POLR3C: variants seen among roughly 807,000 people sequenced by gnomAD.
POLR3C encodes the protein RNA polymerase III subunit C.
Under a neutral mutation model 65.9 loss-of-function variants are expected in POLR3C, and 44 were observed. That is an observed-to-expected ratio of 0.67 (90% CI 0.52 to 0.86). The LOEUF (loss-of-function observed/expected upper bound fraction) is 0.86. POLR3C is among the 40% of genes least tolerant of loss of function. The pLI is 0.00. For synonymous variants in POLR3C, 263 were observed against 231.6 expected (o/e 1.14, Z -1.23); for missense variants, 576 against 653.2 (o/e 0.88, Z 1.29).
rs757108627 is a variant in POLR3C, at chr1:145,843,685, CAG to C, written c.*1270_*1271del. On this transcript the variant is annotated 3_prime_UTR_variant, in exon 15 of 15. Coordinates refer to ENST00000334163, the MANE Select transcript of POLR3C (RefSeq NM_006468.8). The stretch of plus-strand genomic sequence containing the variant: ...ACAGTAGAAGAGTAAACACTATGTA[CAG>C]AGAGGCCAGAAAGGGAAAAGGGTCA... Among the ~76,000 whole-genome samples the C allele has an allele frequency of 1.3e-5, 2 of 152,066 alleles. No homozygotes were observed. The highest frequency in any genetic ancestry group is 6.6e-5 in the Admixed American group (1 of 15,264).
intron 2 of POLR3C, 64 bp from the exon 3 acceptor site, chr1:145,826,390 G>T: frequency 6.7e-7 from 1 of 1,488,224 alleles, no homozygotes; most frequent in South Asian, 1.2e-5. Flanking sequence ...ACAAAAAATT[G>T]CCAGCAGTAA....
In POLR3C at chr1:145,842,822, G is replaced by GATAGATAGATAGATAAT. The variant is rs1652397184; in HGVS notation, c.*402_*403insATAGATAGATAGATAAT. On this transcript the variant is annotated 3_prime_UTR_variant, in exon 15 of 15. Coordinates refer to ENST00000334163, the MANE Select transcript of POLR3C (RefSeq NM_006468.8). ...AGATAGATAGATAGATAGATAATTT[G>GATAGATAGATAGATAAT]TTGTTGTTGAGACAGGATCTCACTC... 6.6e-6 allele frequency among the ~76,000 whole-genome samples: 1 copy of GATAGATAGATAGATAAT among 151,972 alleles called. No individual in the cohort carries two copies. The highest frequency in any genetic ancestry group is 1.5e-5 in the Non-Finnish European group (1 of 67,960).
At position 145,842,820 on chromosome 1, in the gene POLR3C, T is replaced by C. The variant is rs916977681; in HGVS notation, c.*400T>C. ...ATAGATAGATAGATAGATAGATAATTTGTTGTTGTTGAGACAGGATCTCAC... is the reference window on the plus strand; with the variant it reads ...ATAGATAGATAGATAGATAGATAATCTGTTGTTGTTGAGACAGGATCTCAC... On this transcript the variant is annotated 3_prime_UTR_variant, in exon 15 of 15. Coordinates refer to ENST00000334163, the MANE Select transcript of POLR3C (RefSeq NM_006468.8). Among the ~76,000 whole-genome samples the C allele has an allele frequency of 2.3e-4, 35 of 152,220 alleles. No homozygotes were observed. The highest frequency in any genetic ancestry group is 8.2e-4 in the African/African-American group (34 of 41,526).
In POLR3C at chr1:145,842,658, C is replaced by A. The variant is rs1553730909; in HGVS notation, c.*238C>A. Among the ~76,000 whole-genome samples, 1 of 152,184 alleles carries A rather than the reference C, an allele frequency of 6.6e-6. No homozygotes were observed. The highest frequency in any genetic ancestry group is 6.5e-5 in the Admixed American group (1 of 15,276). ...ACCTTAAATCAACAAGGTTAATCATCTATCAGATGCATCTGTTCCCATAAA... is the reference window on the plus strand; with the variant it reads ...ACCTTAAATCAACAAGGTTAATCATATATCAGATGCATCTGTTCCCATAAA... On this transcript the variant is annotated 3_prime_UTR_variant, in exon 15 of 15. Coordinates refer to ENST00000334163, the MANE Select transcript of POLR3C (RefSeq NM_006468.8).
chr1:145,837,506 T>G, intron 9 of POLR3C, 30 bp from the exon 10 acceptor site: 1 of 1,321,396 alleles, frequency 7.6e-7, no homozygotes, highest in Non-Finnish European at 1.1e-6. Flanking sequence ...GCCAAAACAT[T>G]ACTGAGTGAC....
rs1650498389 is a variant in POLR3C, at chr1:145,824,235, T to C, written c.-155T>C. On this transcript the variant is annotated 5_prime_UTR_variant, in exon 1 of 15. Coordinates refer to ENST00000334163, the MANE Select transcript of POLR3C (RefSeq NM_006468.8). ...GCGCTTTTTGCTTTTCCGCGTCTTC[T>C]TCGGTGGCGATCCGCGTCCTAGAAA... 3 of 274,050 alleles carry C rather than the reference T, an allele frequency of 1.1e-5. No individual in the cohort carries two copies. The East Asian group carries it at 3.5e-4, about 32-fold the overall frequency. 17.0% of individuals were successfully genotyped at this position (274,050 alleles called of 1,614,324 possible).
At chr1:145,826,076 C>T (rs1028037911) in intron 2 of POLR3C, among the ~76,000 whole-genome samples, 153 bp downstream of exon 2, 33 of 152,216 alleles carry the variant, frequency 2.2e-4, no homozygotes, top group African/African-American at 8.0e-4. Context: ...AAGGATGAGA[C>T]TTAGACATCA....
chr1:145,827,222 T>C (rs1455443975), intron 4 of POLR3C, among the ~76,000 whole-genome samples: 1 of 152,210 alleles, frequency 6.6e-6, no homozygotes, highest in African/African-American at 2.4e-5. Flanking sequence ...TAAACGGTGA[T>C]AAGTACTATG....
chr1:145,834,804 A>C (rs1259317761), intron 7 of POLR3C, among the ~76,000 whole-genome samples: 7 of 152,152 alleles, frequency 4.6e-5, no homozygotes, highest in Admixed American at 3.9e-4. Context: ...TATATGGTGC[A>C]TGACTGTGTT....
Position 145,840,250 on chromosome 1 carries a change from A to G in POLR3C, c.1373+85A>G. 6 of 871,480 alleles carry G rather than the reference A, an allele frequency of 6.9e-6. No homozygotes were observed. In the South Asian group the frequency reaches 6.9e-5, roughly 10 times the overall value. 54.0% of individuals were successfully genotyped at this position (871,480 alleles called of 1,614,324 possible). On this transcript the variant is annotated intron_variant, in intron 13 of 14. Transcript: ENST00000334163. ...ATTTCCTCTAGAAATAGGAATCAAT[A>G]GACGCTGGGCCTGGCAGGGTGGCTC...
intron 7 of POLR3C, among the ~76,000 whole-genome samples, chr1:145,833,790 T>C (rs1167495564): frequency 6.6e-6 from 1 of 152,234 alleles, no homozygotes; most frequent in Non-Finnish European, 1.5e-5. Context: ...ATTCACTTAG[T>C]CAAAGTATCT....
chr1:145,833,236 T>C, intron 5 of POLR3C, 24 bp from the exon 6 acceptor site: 2 of 1,423,522 alleles, frequency 1.4e-6, no homozygotes, highest in Non-Finnish European at 9.8e-7. Flanking sequence ...TATAGCTAAA[T>C]GTTTCTCTAA....
chr1:145,832,139 A>T (rs1651386603), intron 5 of POLR3C, among the ~76,000 whole-genome samples: 1 of 152,208 alleles, frequency 6.6e-6, no homozygotes, highest in Non-Finnish European at 1.5e-5. Context: ...AAGGTTAAAT[A>T]AGATCAGAAG....
Position 145,838,055 on chromosome 1 carries a change from G to C in POLR3C, c.1071-1G>C. The C allele has an allele frequency of 6.2e-7, 1 of 1,613,880 alleles. No individual in the cohort carries two copies. On this transcript the variant is annotated splice_acceptor_variant, in intron 10 of 14. Coordinates refer to ENST00000334163, the MANE Select transcript of POLR3C (RefSeq NM_006468.8). LOFTEE classifies it high-confidence loss of function. ...CATTTGCTTTCTTCATTCCTTTCCA[G>C]ATTTGGGTCTCGCTGTGCTAGAATA... is the stretch of plus-strand genomic sequence containing the variant.
intron 7 of POLR3C, among the ~76,000 whole-genome samples, chr1:145,835,038 C>T (rs1001415908): frequency 2.7e-5 from 4 of 148,562 alleles, no homozygotes; most frequent in South Asian, 4.3e-4. Context: ...CACAGCTATT[C>T]GAGAGGCTGA....
chr1:145,843,282 C>T lies in POLR3C; in HGVS notation c.*862C>T, dbSNP rs1652427645. 6.6e-6 allele frequency among the ~76,000 whole-genome samples: 1 copy of T among 152,190 alleles called. No homozygotes were observed. Among genetic ancestry groups the T allele is most frequent in the African/African-American group, 2.4e-5 (1 of 41,448 alleles). On this transcript the variant is annotated 3_prime_UTR_variant, in exon 15 of 15. Coordinates refer to ENST00000334163, the MANE Select transcript of POLR3C (RefSeq NM_006468.8). ...AGTAAATTAGCGCCTTCCTCTTCTCCATGGTTCCTTAAAACTGGCAACGCT... is the reference window on the plus strand; with the variant it reads ...AGTAAATTAGCGCCTTCCTCTTCTCTATGGTTCCTTAAAACTGGCAACGCT...
chr1:145,831,128 G>A (rs1359671102), intron 5 of POLR3C, among the ~76,000 whole-genome samples: 5 of 151,982 alleles, frequency 3.3e-5, no homozygotes, highest in Non-Finnish European at 7.4e-5. Flanking sequence ...GTTGGTTATA[G>A]TGTAGTTACC....
Position 145,833,321 on chromosome 1 carries a change from G to A in POLR3C, c.740G>A (p.Arg247His), listed in dbSNP as rs782273948. 58 of 1,613,540 alleles carry A rather than the reference G, an allele frequency of 3.6e-5. No homozygotes were observed. The highest frequency in any genetic ancestry group is 4.4e-5 in the Non-Finnish European group (52 of 1,179,692). ...ANLDRFHQHF[R>H]DQAIVSAVAN... Reference sequence around the variant, plus strand: ...CTTGACAGATTCCACCAACACTTCCGTGACCAAGCCATTGTGAGCGCAGTT... The same window carrying A: ...CTTGACAGATTCCACCAACACTTCCATGACCAAGCCATTGTGAGCGCAGTT... Residue 247 changes from arginine to histidine, a missense_variant, in exon 6 of 15, where the codon CGT (arginine) becomes CAT (histidine). Transcript: ENST00000334163.
chr1:145,839,697 C>T (rs1321464055), intron 11 of POLR3C, 193 bp from the exon 12 acceptor site: 6 of 531,380 alleles, frequency 1.1e-5, no homozygotes, highest in Non-Finnish European at 1.7e-5. Context: ...TGCCACCGCA[C>T]TCCATCCTAG....
Sources: allele counts gnomAD v4.1 joint callset (sites outside exome capture counted in the v4.1 genomes callset), GRCh38; gene constraint gnomAD v4.1.1; transcripts MANE v1.5; gene names NCBI Gene and HGNC (gene_info 2026-07-23, HGNC 2026-07-21).